Variants in ADAMTSL1 observed in about 807,000 individuals in gnomAD.
ADAMTSL1 encodes ADAMTS-like protein 1.
A neutral mutation model predicts 201.8 loss-of-function variants in ADAMTSL1; 126 were observed. The ratio of observed to expected loss-of-function variants is 0.62; its 90% CI spans 0.54 to 0.72. ADAMTSL1 has a LOEUF of 0.72. Ranked by LOEUF, ADAMTSL1 falls within the 30% of genes least tolerant of loss-of-function variation. ADAMTSL1 has a pLI of 0.00. For missense variants in ADAMTSL1, 2,679 were observed against 2,277.8 expected (o/e 1.18, Z -3.59); for synonymous variants, 1,121 against 903.4 (o/e 1.24, Z -4.32).
At chr9:18,329,361 A>C (rs1834944877) in intron 2 of ADAMTSL1, among the ~76,000 whole-genome samples, 2 of 152,272 alleles carry the variant, frequency 1.3e-5, no homozygotes, top group South Asian at 4.1e-4. Flanking sequence ...CTTCACACTC[A>C]CTCAAGTATT....
At chr9:18,354,399 C>T (rs1278550440) in intron 2 of ADAMTSL1, among the ~76,000 whole-genome samples, 3 of 152,026 alleles carry the variant, frequency 2.0e-5, no homozygotes, top group Admixed American at 6.6e-5. Context: ...ACCCCATATT[C>T]CATAAGTAGA....
At chr9:18,221,054 C>T (rs1192156754) in intron 2 of ADAMTSL1, among the ~76,000 whole-genome samples, 1 of 152,170 alleles carries the variant, frequency 6.6e-6, no homozygotes, top group African/African-American at 2.4e-5. Context: ...GGATTACAGA[C>T]ATGAGTCGCC....
intron 15 of ADAMTSL1, among the ~76,000 whole-genome samples, chr9:18,749,274 T>C (rs1173812176): frequency 1.3e-5 from 2 of 152,098 alleles, no homozygotes; most frequent in Admixed American, 1.3e-4. Context: ...AAGCTAGCAG[T>C]CGAGTGGGGA....
intron 23 of ADAMTSL1, among the ~76,000 whole-genome samples, chr9:18,866,633 G>A (rs1263520223): frequency 6.6e-6 from 1 of 152,188 alleles, no homozygotes; most frequent in African/African-American, 2.4e-5. Flanking sequence ...GATGTGAAGG[G>A]AAATACAGTC....
At chr9:18,237,100 C>T (rs1425820686) in intron 2 of ADAMTSL1, among the ~76,000 whole-genome samples, 4 of 152,182 alleles carry the variant, frequency 2.6e-5, no homozygotes, top group Non-Finnish European at 5.9e-5. Flanking sequence ...AGACAATAAA[C>T]AAACATCACT....
At chr9:18,617,882 C>T (rs1328442850) in intron 4 of ADAMTSL1, among the ~76,000 whole-genome samples, 1 of 152,170 alleles carries the variant, frequency 6.6e-6, no homozygotes, top group African/African-American at 2.4e-5. Context: ...CAGACCACTG[C>T]ATCCAGCTGA....
chr9:18,534,168 G>C (rs1377410669), intron 3 of ADAMTSL1, among the ~76,000 whole-genome samples: 1 of 152,188 alleles, frequency 6.6e-6, no homozygotes, highest in Non-Finnish European at 1.5e-5. Flanking sequence ...TGATGTTACA[G>C]AGTTTCCCTT....
At chr9:17,930,450 T>A (rs1243423402) in intron 1 of ADAMTSL1, among the ~76,000 whole-genome samples, 1 of 152,104 alleles carries the variant, frequency 6.6e-6, no homozygotes, top group Admixed American at 6.6e-5. Flanking sequence ...CCATTCCCTC[T>A]TGTCCCTCCA....
In ADAMTSL1 at chr9:18,574,326, T is replaced by A; in HGVS notation, c.474+60T>A. The A allele has an allele frequency of 2.2e-6, 3 of 1,382,964 alleles. No individual in the cohort carries two copies. The South Asian group carries it at 3.5e-5, about 16-fold the overall frequency. The allele number at this position is 1,382,964 out of a possible 1,614,324, so 85.7% of individuals were successfully genotyped here. A position where few individuals can be genotyped will look rare whatever the true frequency, so the allele number is the denominator to read the frequency against. The stretch of plus-strand genomic sequence containing the variant: ...GAGGGTTTCAATGTCTTTGTGTAAA[T>A]GGTTTACATAGTCTCACTCTCTGAA... On this transcript the variant is annotated intron_variant, in intron 4 of 28. Coordinates refer to ENST00000380548, the MANE Select transcript of ADAMTSL1 (RefSeq NM_001040272.6).
At chr9:18,845,522 ACTT>A (rs1450257710) in intron 23 of ADAMTSL1, among the ~76,000 whole-genome samples, 1 of 152,234 alleles carries the variant, frequency 6.6e-6, no homozygotes, top group African/African-American at 2.4e-5. Context: ...TAGCAGCTCC[ACTT>A]CTTAGAGCCC....
At chr9:18,811,656 C>G (rs1823515771) in intron 20 of ADAMTSL1, among the ~76,000 whole-genome samples, 1 of 152,136 alleles carries the variant, frequency 6.6e-6, no homozygotes. Flanking sequence ...TCCAGAGTCT[C>G]ATAACTAAAA....
intron 2 of ADAMTSL1, among the ~76,000 whole-genome samples, chr9:18,411,600 G>A (rs777701294): frequency 5.3e-5 from 8 of 152,080 alleles, no homozygotes; most frequent in South Asian, 2.1e-4. Flanking sequence ...TATCAGAATC[G>A]TTATATATAC....
intron 4 of ADAMTSL1, among the ~76,000 whole-genome samples, chr9:18,575,039 G>A (rs1333022949): frequency 6.6e-6 from 1 of 152,110 alleles, no homozygotes; most frequent in African/African-American, 2.4e-5. Flanking sequence ...ATTTCATGAA[G>A]CAGACACAAA....
intron 2 of ADAMTSL1, among the ~76,000 whole-genome samples, chr9:18,523,796 T>A: frequency 7.1e-6 from 1 of 139,934 alleles, no homozygotes; most frequent in Non-Finnish European, 1.5e-5. Flanking sequence ...GTTCCATTGA[T>A]CTATATCTCT....
In ADAMTSL1 at chr9:17,951,519, G is replaced by T. The variant is rs548733101; in HGVS notation, c.87+44597G>T. Among the ~76,000 whole-genome samples the T allele has an allele frequency of 1.8e-4, 27 of 152,162 alleles. No homozygotes were observed. In the South Asian group the frequency reaches 4.4e-3, roughly 25 times the overall value. ...GAGTTTTAAATTGTATCACAGCATG[G>T]TTTTAATGTACCTTTCCTTGATTAT... On this transcript the variant is annotated intron_variant, in intron 1 of 29. Transcript: ENST00000680146.
intron 3 of ADAMTSL1, among the ~76,000 whole-genome samples, chr9:18,543,218 T>C (rs923458020): frequency 2.6e-5 from 4 of 152,212 alleles, no homozygotes; most frequent in African/African-American, 9.6e-5. Flanking sequence ...CTAAACTCAT[T>C]ATAGGACATT....
At chr9:18,039,369 G>A (rs993097968) in intron 1 of ADAMTSL1, among the ~76,000 whole-genome samples, 1 of 151,842 alleles carries the variant, frequency 6.6e-6, no homozygotes, top group Non-Finnish European at 1.5e-5. Flanking sequence ...TCTCAGTGAC[G>A]GATAATGCCT....
intron 2 of ADAMTSL1, among the ~76,000 whole-genome samples, chr9:18,331,213 A>C (rs1466265696): frequency 6.6e-6 from 1 of 152,212 alleles, no homozygotes; most frequent in East Asian, 1.9e-4. Context: ...AGAGTGAGAC[A>C]GGATGCTAAG....
At position 18,360,905 on chromosome 9, in the gene ADAMTSL1, C is replaced by G. The variant is rs141123883; in HGVS notation, c.208-143924C>G. ...CTCCAAAACAACCATTTTTAAGTTT[C>G]CCATCTCCTGCTTTCCCTGCCGCCA... On this transcript the variant is annotated intron_variant, in intron 2 of 29. Transcript: ENST00000680146. Among the ~76,000 whole-genome samples the G allele has an allele frequency of 4.5e-3, 682 of 152,204 alleles. 5 individuals are homozygous for G. Among genetic ancestry groups the G allele is most frequent in the African/African-American group, 0.016 (653 of 41,548 alleles).
Sources: gnomAD v4.1 joint callset for allele counts (sites outside exome capture counted in the v4.1 genomes callset) on GRCh38, gnomAD v4.1.1 for gene constraint, MANE v1.5 for transcripts, NCBI Gene and HGNC (gene_info 2026-07-23, HGNC 2026-07-21) for gene names.